The following SLC39A11 variants were observed in gnomAD, a reference collection of about 807,000 sequenced individuals.
SLC39A11 encodes the protein solute carrier family 39 member 11.
SLC39A11 carries 33 observed loss-of-function variants against 36.1 expected under a neutral mutation model. That is an observed-to-expected ratio of 0.91 (90% CI 0.69 to 1.22). SLC39A11 has a LOEUF of 1.22. SLC39A11 is among the 50% of genes most tolerant of loss of function. The probability of loss-of-function intolerance (pLI) is 0.00; values close to 1 mark genes in which losing one functional copy is unlikely to be tolerated. For missense variants in SLC39A11, 432 were observed against 430.3 expected (o/e 1.00, Z -0.03); for synonymous variants, 166 against 170.3 (o/e 0.97, Z 0.20).
chr17:72,852,753 C>A (rs1249830028), intron 5 of SLC39A11, among the ~76,000 whole-genome samples: 1 of 152,204 alleles, frequency 6.6e-6, no homozygotes, highest in Non-Finnish European at 1.5e-5. Flanking sequence ...ACTCAGGCTG[C>A]AGATGCTGGT....
At chr17:72,692,485 G>A (rs1217245574) in intron 7 of SLC39A11, among the ~76,000 whole-genome samples, 4 of 152,172 alleles carry the variant, frequency 2.6e-5, no homozygotes, top group African/African-American at 9.7e-5. Flanking sequence ...AAGGCAAAAG[G>A]CACTTCTTAC....
chr17:72,804,423 A>G (rs2077188456), intron 6 of SLC39A11, among the ~76,000 whole-genome samples: 2 of 152,170 alleles, frequency 1.3e-5, no homozygotes, highest in African/African-American at 4.8e-5. Flanking sequence ...CCACCCAAGT[A>G]GAGAGTATGT....
chr17:72,691,403 A>G (rs2072021425), intron 7 of SLC39A11, among the ~76,000 whole-genome samples: 1 of 152,134 alleles, frequency 6.6e-6, no homozygotes, highest in Non-Finnish European at 1.5e-5. Context: ...ATAAAAAAAA[A>G]ATGGTTAGCC....
rs190709596 is a variant in SLC39A11 at position 73,067,233 on chromosome 17, C to G, written c.147+17575G>C. 3.1e-4 allele frequency among the ~76,000 whole-genome samples: 47 copies of G among 152,344 alleles called. 1 individual carries two copies. Among genetic ancestry groups the G allele is most frequent in the Admixed American group, 2.9e-3 (45 of 15,310 alleles). On this transcript the variant is annotated intron_variant, in intron 3 of 9. Transcript: ENST00000255559. ...GCTGCATAGCTAAAAGAACATGTGT[C>G]GCAGCATTCCTTGCAGCTACCTTAG... is the stretch of plus-strand genomic sequence containing the variant.
intron 3 of SLC39A11, among the ~76,000 whole-genome samples, chr17:73,037,966 T>C (rs552622216): frequency 1.3e-4 from 20 of 152,248 alleles, no homozygotes; most frequent in Non-Finnish European, 2.8e-4. Flanking sequence ...CTTACGCCCA[T>C]AATCCAAGCA....
At chr17:72,715,605 G>C (rs1178993589) in intron 7 of SLC39A11, among the ~76,000 whole-genome samples, 1 of 152,222 alleles carries the variant, frequency 6.6e-6, no homozygotes, top group African/African-American at 2.4e-5. Context: ...CATTCATAGA[G>C]ACAGAAAGAA....
intron 6 of SLC39A11, among the ~76,000 whole-genome samples, chr17:72,831,268 A>C (rs921323677): frequency 1.3e-5 from 2 of 152,184 alleles, no homozygotes; most frequent in Non-Finnish European, 2.9e-5. Context: ...AATAAGAGGG[A>C]GAGAAGAGAG....
At chr17:73,090,728 CTGG>C (rs1191464987) in intron 1 of SLC39A11, among the ~76,000 whole-genome samples, 1 of 152,178 alleles carries the variant, frequency 6.6e-6, no homozygotes, top group African/African-American at 2.4e-5. Flanking sequence ...ATCTTGTGGG[CTGG>C]TGAACAGAAC....
chr17:72,833,393 G>A (rs2078371104), intron 6 of SLC39A11, among the ~76,000 whole-genome samples: 1 of 152,222 alleles, frequency 6.6e-6, no homozygotes, highest in South Asian at 2.1e-4. Context: ...AGCAAATGAA[G>A]TGCTGTGCTT....
chr17:72,940,256 A>G (rs1381422068), intron 5 of SLC39A11, among the ~76,000 whole-genome samples: 12 of 150,088 alleles, frequency 8.0e-5, no homozygotes, highest in African/African-American at 2.7e-4. Context: ...GTCTTAAAAG[A>G]TCAGACTTAG....
intron 7 of SLC39A11, among the ~76,000 whole-genome samples, chr17:72,659,317 G>C (rs1281068338): frequency 6.6e-6 from 1 of 152,198 alleles, no homozygotes; most frequent in Non-Finnish European, 1.5e-5. Flanking sequence ...GGAGACAGAT[G>C]ATCCAGGAAA....
Position 72,924,141 on chromosome 17 carries a change from G to A in SLC39A11, c.430+23611C>T, listed in dbSNP as rs1200668552. 1.9e-4 allele frequency among the ~76,000 whole-genome samples: 23 copies of A among 123,882 alleles called. No homozygotes were observed. In the East Asian group the frequency reaches 2.2e-3, roughly 12 times the overall value. The allele number at this position is 123,882 out of a possible 152,430, so 81.3% of individuals were successfully genotyped here. A position where few individuals can be genotyped will look rare whatever the true frequency, so the allele number is the denominator to read the frequency against. ...AGCATGGGTGACAGAGTGAGACCCC[G>A]TCTCAAAAAAAAAAAAAAAAATTTT... On this transcript the variant is annotated intron_variant, in intron 5 of 9. Transcript: ENST00000255559.
chr17:72,919,360 A>G (rs2083508230), intron 5 of SLC39A11, among the ~76,000 whole-genome samples: 1 of 152,190 alleles, frequency 6.6e-6, no homozygotes, highest in African/African-American at 2.4e-5. Flanking sequence ...CCATGATCAT[A>G]AAGGTGAAGA....
chr17:72,915,378 G>T (rs746079325), intron 5 of SLC39A11, among the ~76,000 whole-genome samples: 2 of 152,136 alleles, frequency 1.3e-5, no homozygotes, highest in African/African-American at 4.8e-5. Context: ...TTGTTACCCT[G>T]CCCTGCCTCG....
chr17:72,780,054 C>G (rs560355297), intron 6 of SLC39A11, among the ~76,000 whole-genome samples: 52 of 152,288 alleles, frequency 3.4e-4, no homozygotes, highest in Admixed American at 1.4e-3. Flanking sequence ...ATTGACCATC[C>G]CCTTGGTCAG....
intron 3 of SLC39A11, among the ~76,000 whole-genome samples, chr17:73,047,625 C>CA (rs996077686): frequency 6.6e-6 from 1 of 151,810 alleles, no homozygotes; most frequent in Non-Finnish European, 1.5e-5. Context: ...TAGTAAGCAG[C>CA]AGAGCCAAGA....
chr17:72,682,440 C>T (rs559726753), intron 7 of SLC39A11, among the ~76,000 whole-genome samples: 38 of 152,202 alleles, frequency 2.5e-4, no homozygotes, highest in Middle Eastern at 3.4e-3. Flanking sequence ...TTCTGGTCAA[C>T]GGTAGGCTAT....
chr17:73,082,287 A>G (rs571790461), intron 3 of SLC39A11, among the ~76,000 whole-genome samples: 12 of 152,038 alleles, frequency 7.9e-5, no homozygotes, highest in Admixed American at 5.2e-4. Context: ...ACATAAGAAT[A>G]AATAATATAT....
intron 4 of SLC39A11, among the ~76,000 whole-genome samples, chr17:73,010,419 C>G (rs1208792372): frequency 1.3e-5 from 2 of 152,078 alleles, no homozygotes; most frequent in African/African-American, 4.8e-5. Flanking sequence ...GAAACATAAC[C>G]CAGTAACTAA....
Sources: gnomAD v4.1 joint callset for allele counts (sites outside exome capture counted in the v4.1 genomes callset) on GRCh38, gnomAD v4.1.1 for gene constraint, MANE v1.5 for transcripts, NCBI Gene and HGNC (gene_info 2026-07-23, HGNC 2026-07-21) for gene names.